Variants in TBL1X observed in about 807,000 individuals in gnomAD.
TBL1X encodes transducin beta like 1 X-linked.
TBL1X carries 10 observed loss-of-function variants against 50.7 expected under a neutral mutation model. That is an observed-to-expected ratio of 0.20 (90% CI 0.12 to 0.33). TBL1X has a LOEUF of 0.33. Among genes scored for constraint, TBL1X ranks in the 10% least tolerant of loss-of-function variants. TBL1X has a pLI of 1.00. For missense variants in TBL1X, 340 were observed against 504.4 expected (o/e 0.67, Z 3.12); for synonymous variants, 190 against 214.7 (o/e 0.88, Z 1.01).
chrX:9,527,402 CATA>C (rs1016113402), intron 2 of TBL1X, among the ~76,000 whole-genome samples: 1 of 110,741 alleles, frequency 9.0e-6, no homozygotes, highest in Non-Finnish European at 1.9e-5. Flanking sequence ...AGTGATTCAC[CATA>C]ATCTCTCTAG....
rs774701198 is a variant in TBL1X, at chrX:9,717,629, C to G, written c.*1383C>G. 4.4e-5 allele frequency: 5 copies of G among 113,116 alleles called. No individual in the cohort carries two copies. In the South Asian group the frequency reaches 1.8e-3, roughly 41 times the overall value. 9.3% of individuals were successfully genotyped at this position (113,116 alleles called of 1,213,427 possible). Reference sequence around the variant, plus strand: ...AACCATAAGGTACTGCAGAAGCCGTCGAAACCGACTGCTCGGCTGGATTAG... The same window carrying G: ...AACCATAAGGTACTGCAGAAGCCGTGGAAACCGACTGCTCGGCTGGATTAG... On this transcript the variant is annotated 3_prime_UTR_variant, in exon 18 of 18. Coordinates refer to ENST00000645353, the MANE Select transcript of TBL1X (RefSeq NM_005647.4).
intron 1 of TBL1X, among the ~76,000 whole-genome samples, chrX:9,484,038 TTACA>T (rs1217168378): frequency 8.9e-6 from 1 of 112,412 alleles, no homozygotes; most frequent in Non-Finnish European, 1.9e-5. Flanking sequence ...CTTTGTTTGT[TTACA>T]TACATTTTTT....
At chrX:9,552,419 G>T (rs1286036251) in intron 2 of TBL1X, among the ~76,000 whole-genome samples, 1 of 111,497 alleles carries the variant, frequency 9.0e-6, no homozygotes, top group Non-Finnish European at 1.9e-5. Flanking sequence ...GCCTGAGGAG[G>T]AGTTGGCTGG....
intron 3 of TBL1X, among the ~76,000 whole-genome samples, chrX:9,644,435 A>C (rs1569085048): frequency 9.0e-6 from 1 of 110,989 alleles, no homozygotes; most frequent in Non-Finnish European, 1.9e-5. Flanking sequence ...TCTTACATGC[A>C]TTGTCCGGCT....
rs1159675473 is a variant in TBL1X, at chrX:9,701,056, A to G, written c.1114+3627A>G. Among the ~76,000 whole-genome samples the G allele has an allele frequency of 4.5e-5, 5 of 110,071 alleles. No homozygotes were observed. In the East Asian group the frequency reaches 1.4e-3, roughly 31 times the overall value. On this transcript the variant is annotated intron_variant, in intron 12 of 17. Transcript: ENST00000645353. ...TGAGGGAGATCTTAGTGGCGACGGAACACTTCTGGGTCTCAGTTGCAGCGA... is the reference window on the plus strand; with the variant it reads ...TGAGGGAGATCTTAGTGGCGACGGAGCACTTCTGGGTCTCAGTTGCAGCGA...
intron 2 of TBL1X, among the ~76,000 whole-genome samples, chrX:9,561,486 T>G (rs987012686): frequency 1.8e-5 from 2 of 111,325 alleles, no homozygotes; most frequent in Non-Finnish European, 3.8e-5. Flanking sequence ...GACATCTGGG[T>G]TCTCTGTACG....
At position 9,470,365 on chromosome X, in the gene TBL1X, C is replaced by G. The variant is rs748083193; in HGVS notation, c.-201+4918C>G. On this transcript the variant is annotated intron_variant, in intron 1 of 17. Transcript: ENST00000645353. ...TCCGCCCGCAAGTTCAAGCGATTCT[C>G]CTCCTCAGCCTCCGGAGAAGCTGGG... Among the ~76,000 whole-genome samples, 7 of 112,902 alleles carry G rather than the reference C, an allele frequency of 6.2e-5. No homozygotes were observed. In the South Asian group the frequency reaches 2.5e-3, roughly 41 times the overall value.
intron 2 of TBL1X, among the ~76,000 whole-genome samples, chrX:9,544,647 A>G (rs1386059884): frequency 9.0e-6 from 1 of 110,970 alleles, no homozygotes; most frequent in Non-Finnish European, 1.9e-5. Flanking sequence ...ACTGCAACCT[A>G]CGCCTCCCGA....
intron 13 of TBL1X, among the ~76,000 whole-genome samples, chrX:9,707,339 C>T (rs1035452331): frequency 4.5e-5 from 5 of 112,156 alleles, no homozygotes; most frequent in Admixed American, 9.4e-5. Context: ...TCTCTTCTCC[C>T]GGTCTAAACT....
chrX:9,599,642 G>C (rs2082544377), intron 2 of TBL1X, among the ~76,000 whole-genome samples: 1 of 112,417 alleles, frequency 8.9e-6, no homozygotes, highest in South Asian at 3.7e-4. Context: ...AAAGTCTCTA[G>C]TTTTCTCTCC....
At chrX:9,698,754 GCTAGCCAAGGGCCGGC>G (rs1314494351) in intron 12 of TBL1X, among the ~76,000 whole-genome samples, 1 of 111,853 alleles carries the variant, frequency 8.9e-6, no homozygotes. Flanking sequence ...AATCTCAGTC[GCTAGCCAAGGGCCGGC>G]CTTGCAAGCA....
intron 5 of TBL1X, among the ~76,000 whole-genome samples, chrX:9,669,483 T>C (rs758567075): frequency 1.3e-4 from 15 of 112,111 alleles, no homozygotes; most frequent in Non-Finnish European, 2.6e-4. Flanking sequence ...GCCCCATGTC[T>C]GATTGGTTCT....
chrX:9,603,739 T>G (rs1269693369), intron 2 of TBL1X, among the ~76,000 whole-genome samples: 5 of 111,490 alleles, frequency 4.5e-5, no homozygotes, highest in Non-Finnish European at 7.5e-5. Context: ...ACATGTATGG[T>G]CTCCCAGTTC....
intron 12 of TBL1X, among the ~76,000 whole-genome samples, chrX:9,701,619 CTT>C (rs1163503012): frequency 6.1e-5 from 6 of 97,952 alleles, no homozygotes; most frequent in East Asian, 6.9e-4. Context: ...GAAAACAACT[CTT>C]AATGTTTTGA....
chrX:9,653,180 TTA>T (rs928711119), intron 3 of TBL1X, among the ~76,000 whole-genome samples: 4 of 112,458 alleles, frequency 3.6e-5, no homozygotes, highest in African/African-American at 6.4e-5. Context: ...AAAAAGATGT[TTA>T]GTGTTGGTGA....
intron 1 of TBL1X, among the ~76,000 whole-genome samples, chrX:9,496,367 G>C (rs2081971128): frequency 8.9e-6 from 1 of 112,695 alleles, no homozygotes; most frequent in South Asian, 3.6e-4. Flanking sequence ...GGCTAGGAGT[G>C]GGGAGGCATC....
At chrX:9,540,506 T>TA (rs2082209160) in intron 2 of TBL1X, among the ~76,000 whole-genome samples, 1 of 112,531 alleles carries the variant, frequency 8.9e-6, no homozygotes, top group East Asian at 2.8e-4. Context: ...TTTTTCTCTT[T>TA]AAAAAAGTGA....
intron 5 of TBL1X, among the ~76,000 whole-genome samples, chrX:9,680,212 C>A (rs2083017681): frequency 9.0e-6 from 1 of 111,661 alleles, no homozygotes. Flanking sequence ...ATTTGTCTCC[C>A]ACATACAAAT....
At chrX:9,696,797 AT>A (rs1228164978) in intron 11 of TBL1X, among the ~76,000 whole-genome samples, 1 of 112,527 alleles carries the variant, frequency 8.9e-6, no homozygotes, top group Non-Finnish European at 1.9e-5. Flanking sequence ...ATTCCTACCA[AT>A]TTTGGTAGTT....
Sources: gnomAD v4.1 joint callset for allele counts (sites outside exome capture counted in the v4.1 genomes callset) on GRCh38, gnomAD v4.1.1 for gene constraint, MANE v1.5 for transcripts, NCBI Gene and HGNC (gene_info 2026-07-23, HGNC 2026-07-21) for gene names.